The following TNFSF11 variants were observed in gnomAD, a reference collection of about 807,000 sequenced individuals.
TNFSF11 encodes tumor necrosis factor ligand superfamily member 11.
A neutral mutation model predicts 32.2 loss-of-function variants in TNFSF11; 12 were observed. That is an observed-to-expected ratio of 0.37 (90% CI 0.24 to 0.60). The LOEUF (loss-of-function observed/expected upper bound fraction) is 0.60. Ranked by LOEUF, TNFSF11 falls within the 20% of genes least tolerant of loss-of-function variation. The probability of loss-of-function intolerance (pLI) is 0.66; values close to 1 mark genes in which losing one functional copy is unlikely to be tolerated. For missense variants in TNFSF11, 345 were observed against 398.0 expected (o/e 0.87, Z 1.13); for synonymous variants, 172 against 152.1 (o/e 1.13, Z -0.96).
intron 2 of TNFSF11, among the ~76,000 whole-genome samples, chr13:42,587,837 G>A (rs551013084): frequency 6.6e-6 from 1 of 152,296 alleles, no homozygotes; most frequent in South Asian, 2.1e-4. Flanking sequence ...TTGAACTAAT[G>A]TAAATAAGAA....
intron 2 of TNFSF11, among the ~76,000 whole-genome samples, chr13:42,584,478 C>T (rs1000442219): frequency 4.6e-5 from 7 of 152,216 alleles, no homozygotes; most frequent in Non-Finnish European, 7.3e-5. Flanking sequence ...TTTTCTGCCA[C>T]CTCCTGCCTC....
At chr13:42,566,315 T>G (rs1395757247) in intron 1 of TNFSF11, among the ~76,000 whole-genome samples, 5 of 152,140 alleles carry the variant, frequency 3.3e-5, no homozygotes, top group African/African-American at 4.8e-5. Context: ...TGTCTACCAT[T>G]GCCTAAGACC....
intron 4 of TNFSF11, among the ~76,000 whole-genome samples, chr13:42,603,833 GT>G (rs1869306659): frequency 6.6e-6 from 1 of 152,198 alleles, no homozygotes; most frequent in African/African-American, 2.4e-5. Flanking sequence ...GTTGGTTGAT[GT>G]AATTCTTAAT....
At chr13:42,603,384 C>T (rs577242245) in intron 4 of TNFSF11, among the ~76,000 whole-genome samples, 1 of 152,170 alleles carries the variant, frequency 6.6e-6, no homozygotes, top group East Asian at 1.9e-4. Context: ...AGGCTGGAGT[C>T]AGGGGTTGTC....
In TNFSF11 at chr13:42,591,750, A is replaced by G. The variant is rs143802315; in HGVS notation, c.388-9002A>G. 8.8e-4 allele frequency among the ~76,000 whole-genome samples: 134 copies of G among 152,264 alleles called. No individual in the cohort carries two copies. In the Middle Eastern group the frequency reaches 0.017, roughly 19 times the overall value. On this transcript the variant is annotated intron_variant, in intron 2 of 4. Transcript: ENST00000398795. Reference sequence around the variant, plus strand: ...GGGCAGCGATACTAAAGCCTATCTCATTAGCTATTGCACAACACCCAGTGG... The same window carrying G: ...GGGCAGCGATACTAAAGCCTATCTCGTTAGCTATTGCACAACACCCAGTGG...
Position 42,600,865 on chromosome 13 carries a change from G to A in TNFSF11, c.434-18G>A. Reference sequence around the variant, plus strand: ...ACTACTATTTTGGCTATAATAATATGGTTTCTCTCATCTCCAGCGATGGTG... The same window carrying A: ...ACTACTATTTTGGCTATAATAATATAGTTTCTCTCATCTCCAGCGATGGTG... On this transcript the variant is annotated intron_variant, in intron 3 of 4. Transcript: ENST00000398795. 1 of 1,614,012 alleles carries A rather than the reference G, an allele frequency of 6.2e-7. No homozygotes were observed. The highest frequency in any genetic ancestry group is 8.5e-7 in the Non-Finnish European group (1 of 1,179,972).
chr13:42,594,948 T>TA (rs199733541), intron 2 of TNFSF11, among the ~76,000 whole-genome samples: 7,742 of 139,806 alleles, frequency 0.055, 300 homozygotes, highest in Non-Finnish European at 0.081. Flanking sequence ...AGTTGAAATT[T>TA]AAAAAAAAAA....
In TNFSF11 at chr13:42,581,276, C is replaced by G. The variant is rs766807329; in HGVS notation, c.370C>G (p.Gln124Glu). 6.2e-7 allele frequency: 1 copy of G among 1,614,008 alleles called. No individual in the cohort carries two copies. Among genetic ancestry groups the G allele is most frequent in the Admixed American group, 1.7e-5 (1 of 60,026 alleles). Residue 124 changes from glutamine to glutamate, a missense_variant, in exon 2 of 5, where the codon CAA becomes GAA. Transcript: ENST00000398795. Reference sequence around the variant, plus strand: ...ATGTAGGAGAATTAAACAGGCCTTTCAAGGAGCTGTGCAAAAGGTAAGTCC... The same window carrying G: ...ATGTAGGAGAATTAAACAGGCCTTTGAAGGAGCTGTGCAAAAGGTAAGTCC... ...DSCRRIKQAFQGAVQKELQHI... is the reference protein window; with the variant it reads ...DSCRRIKQAFEGAVQKELQHI...
intron 2 of TNFSF11, 123 bp downstream of exon 2, chr13:42,581,416 C>T: frequency 1.8e-6 from 2 of 1,112,194 alleles, no homozygotes; most frequent in Non-Finnish European, 1.3e-6. Flanking sequence ...AAAAGAGCTA[C>T]AGGGAATGCT....
intron 2 of TNFSF11, among the ~76,000 whole-genome samples, chr13:42,567,175 C>G (rs889627441): frequency 6.6e-6 from 1 of 151,578 alleles, no homozygotes; most frequent in Non-Finnish European, 1.5e-5. Context: ...ACAATAAGAC[C>G]CTTTGATATT....
At chr13:42,588,084 G>A (rs973843789) in intron 2 of TNFSF11, among the ~76,000 whole-genome samples, 1 of 152,246 alleles carries the variant, frequency 6.6e-6, no homozygotes. Flanking sequence ...TGTTAGTCAT[G>A]TAGTGGTTTT....
chr13:42,599,570 T>C (rs1869052675), intron 2 of TNFSF11, among the ~76,000 whole-genome samples: 1 of 152,128 alleles, frequency 6.6e-6, no homozygotes, highest in East Asian at 1.9e-4. Flanking sequence ...TTTTTTGTTT[T>C]TGTTTTTGTT....
At chr13:42,589,554 C>T (rs968515524) in intron 2 of TNFSF11, among the ~76,000 whole-genome samples, 3 of 152,172 alleles carry the variant, frequency 2.0e-5, no homozygotes, top group African/African-American at 7.2e-5. Flanking sequence ...ACAAAAAGTC[C>T]TCTGTATTCT....
intron 2 of TNFSF11, among the ~76,000 whole-genome samples, chr13:42,594,493 G>GATCAAA (rs1868685456): frequency 6.6e-6 from 1 of 152,112 alleles, no homozygotes; most frequent in Admixed American, 6.5e-5. Context: ...TCTTGTTTGG[G>GATCAAA]GCAGTTATTC....
At chr13:42,603,905 A>C (rs1473430839) in intron 4 of TNFSF11, among the ~76,000 whole-genome samples, 1 of 152,236 alleles carries the variant, frequency 6.6e-6, no homozygotes, top group Non-Finnish European at 1.5e-5. Flanking sequence ...GATCAAAAGC[A>C]TGAACCAGTG....
intron 2 of TNFSF11, among the ~76,000 whole-genome samples, chr13:42,599,777 C>T (rs973562096): frequency 5.9e-5 from 9 of 152,246 alleles, no homozygotes; most frequent in Non-Finnish European, 1.3e-4. Context: ...ACTGTGTTGG[C>T]CCAGCTGATC....
intron 2 of TNFSF11, among the ~76,000 whole-genome samples, chr13:42,568,792 T>A (rs539314983): frequency 6.6e-6 from 1 of 152,312 alleles, no homozygotes; most frequent in South Asian, 2.1e-4. Context: ...GTGAGATATT[T>A]TCACAGACTT....
chr13:42,589,393 C>A (rs1194444896), intron 2 of TNFSF11, among the ~76,000 whole-genome samples: 3 of 152,164 alleles, frequency 2.0e-5, no homozygotes, highest in Non-Finnish European at 4.4e-5. Flanking sequence ...CTGGCCACCC[C>A]CTCCTGGCCT....
chr13:42,576,091 G>T (rs1873301384), intron 1 of TNFSF11, among the ~76,000 whole-genome samples: 1 of 152,202 alleles, frequency 6.6e-6, no homozygotes, highest in Non-Finnish European at 1.5e-5. Context: ...TCAAACAAAA[G>T]AGCAACAATC....
Sources: allele counts gnomAD v4.1 joint callset (sites outside exome capture counted in the v4.1 genomes callset), GRCh38; gene constraint gnomAD v4.1.1; transcripts MANE v1.5; gene names NCBI Gene and HGNC (gene_info 2026-07-23, HGNC 2026-07-21).